Variants in BCL7A observed in about 807,000 individuals in gnomAD.
BCL7A encodes BAF chromatin remodeling complex subunit BCL7A.
In BCL7A, 11 loss-of-function variants were observed where a neutral mutation model predicts 28.4. The ratio of observed to expected loss-of-function variants is 0.39; its 90% CI spans 0.24 to 0.64. BCL7A has a LOEUF of 0.64. Ranked by LOEUF, BCL7A falls within the 30% of genes least tolerant of loss-of-function variation. The probability of loss-of-function intolerance (pLI) is 0.50; values close to 1 mark genes in which losing one functional copy is unlikely to be tolerated. For synonymous variants in BCL7A, 123 were observed against 103.3 expected (o/e 1.19, Z -1.15); for missense variants, 222 against 274.8 (o/e 0.81, Z 1.36).
chr12:122,051,181 C>A (rs1226242589), intron 4 of BCL7A, among the ~76,000 whole-genome samples: 1 of 152,108 alleles, frequency 6.6e-6, no homozygotes, highest in Non-Finnish European at 1.5e-5. Context: ...ATTGGTGGGA[C>A]GCAGGTGGGA....
rs1951882412 is a variant in BCL7A, at chr12:122,056,929, A to G, written c.561+2003A>G. Among the ~76,000 whole-genome samples the G allele has an allele frequency of 1.3e-5, 2 of 152,206 alleles. 1 individual carries two copies. Among genetic ancestry groups the G allele is most frequent in the South Asian group, 4.1e-4 (2 of 4,832 alleles). On this transcript the variant is annotated intron_variant, in intron 5 of 5. Coordinates refer to ENST00000261822, the MANE Select transcript of BCL7A (RefSeq NM_001024808.3). ...GTCACTGTCTCTGCAAGTCCATCGC[A>G]TGTCCTACTCGAGGCCTCTCCTCTG... is the stretch of plus-strand genomic sequence containing the variant.
chr12:122,025,133 T>G (rs1883588607), intron 1 of BCL7A, among the ~76,000 whole-genome samples: 1 of 151,972 alleles, frequency 6.6e-6, no homozygotes, highest in African/African-American at 2.4e-5. Context: ...GGGCCAGGGT[T>G]TGGGGGCCCT....
rs1309688942 is a variant in BCL7A, at chr12:122,060,906, C to A, written c.*1743C>A. The stretch of plus-strand genomic sequence containing the variant: ...CCTGAAATAAGGGAAAAAAAAAAAA[C>A]CACAACTTTGAAAATCTTAATGTTG... On this transcript the variant is annotated 3_prime_UTR_variant, in exon 6 of 6. Coordinates refer to ENST00000261822, the MANE Select transcript of BCL7A (RefSeq NM_001024808.3). 6.8e-5 allele frequency: 15 copies of A among 220,988 alleles called. No individual in the cohort carries two copies. The highest frequency in any genetic ancestry group is 1.2e-4 in the Non-Finnish European group (13 of 111,020). 13.7% of individuals were successfully genotyped at this position (220,988 alleles called of 1,614,324 possible).
chr12:122,057,366 G>A (rs1262825582), intron 5 of BCL7A, among the ~76,000 whole-genome samples: 2 of 152,196 alleles, frequency 1.3e-5, no homozygotes, highest in Non-Finnish European at 2.9e-5. Context: ...TTGTCACTAG[G>A]GCCTTCTTGG....
chr12:122,025,160 G>A (rs1883589821), intron 1 of BCL7A, among the ~76,000 whole-genome samples: 1 of 152,268 alleles, frequency 6.6e-6, no homozygotes, highest in South Asian at 2.1e-4. Flanking sequence ...GTGGAGGAGA[G>A]AAGACCCCAG....
At chr12:122,023,744 C>T (rs947405823) in intron 1 of BCL7A, among the ~76,000 whole-genome samples, 3 of 152,288 alleles carry the variant, frequency 2.0e-5, no homozygotes, top group South Asian at 2.1e-4. Flanking sequence ...ATGGCAGAAA[C>T]AGCTGCAGGC....
At chr12:122,024,450 T>C (rs77295720) in intron 1 of BCL7A, among the ~76,000 whole-genome samples, 10,596 of 133,354 alleles carry the variant, frequency 0.079, 460 homozygotes, top group African/African-American at 0.15. Flanking sequence ...AAACTTGGCT[T>C]TGAGGTTTTT....
intron 4 of BCL7A, among the ~76,000 whole-genome samples, chr12:122,052,670 ATTGTTTTGTTTT>A (rs930207169): frequency 3.0e-4 from 45 of 150,798 alleles, no homozygotes; most frequent in African/African-American, 3.9e-4. Flanking sequence ...TTGTTTTTTT[ATTGTTTTGTTTT>A]TTGTTTTGTT....
intron 3 of BCL7A, among the ~76,000 whole-genome samples, chr12:122,040,389 C>T (rs557987949): frequency 5.3e-5 from 8 of 151,892 alleles, no homozygotes; most frequent in African/African-American, 1.7e-4. Flanking sequence ...AAAAATTAGC[C>T]GGGCATGGTG....
chr12:122,054,835 C>T lies in BCL7A; in HGVS notation c.470C>T (p.Ser157Leu), dbSNP rs867038890. The change falls in exon 5 of 6, where the codon TCG becomes TTG. Residue 157 changes from serine to leucine, a missense_variant. Ser to Leu is a moderately radical substitution (Grantham distance 145, BLOSUM62 -2). Coordinates refer to ENST00000261822, the MANE Select transcript of BCL7A (RefSeq NM_001024808.3). ...DASDEQNSQSSMEHSMNSSEK... is the reference protein window; with the variant it reads ...DASDEQNSQSLMEHSMNSSEK... Reference sequence around the variant, plus strand: ...TCTGATGAGCAGAATTCACAGTCCTCGATGGAACATTCGATGAACAGCTCA... The same window carrying T: ...TCTGATGAGCAGAATTCACAGTCCTTGATGGAACATTCGATGAACAGCTCA... The T allele has an allele frequency of 1.9e-6, 3 of 1,614,164 alleles. No homozygotes were observed. Among genetic ancestry groups the T allele is most frequent in the Non-Finnish European group, 2.5e-6 (3 of 1,180,028 alleles).
At chr12:122,032,540 G>A (rs1289436678) in intron 2 of BCL7A, among the ~76,000 whole-genome samples, 1 of 152,182 alleles carries the variant, frequency 6.6e-6, no homozygotes. Context: ...ATGATCAAGG[G>A]GAAAACGTAA....
chr12:122,056,766 A>G (rs2135862019), intron 5 of BCL7A, among the ~76,000 whole-genome samples: 1 of 152,282 alleles, frequency 6.6e-6, no homozygotes, highest in Non-Finnish European at 1.5e-5. Flanking sequence ...TGATCCTACC[A>G]TTGCCCTCCA....
intron 1 of BCL7A, among the ~76,000 whole-genome samples, chr12:122,022,557 C>G: frequency 6.9e-6 from 1 of 145,092 alleles, no homozygotes; most frequent in Middle Eastern, 3.5e-3. Flanking sequence ...CACATGAAAG[C>G]GGCTTCCCGC....
chr12:122,044,671 T>A (rs1204138487), intron 4 of BCL7A, among the ~76,000 whole-genome samples: 3 of 151,630 alleles, frequency 2.0e-5, no homozygotes, highest in Non-Finnish European at 4.4e-5. Flanking sequence ...AAAAAATGCT[T>A]TAAGATGAGC....
chr12:122,034,739 C>T (rs2135845727), intron 2 of BCL7A, among the ~76,000 whole-genome samples: 1 of 145,356 alleles, frequency 6.9e-6, no homozygotes, highest in East Asian at 2.0e-4. Flanking sequence ...GAGACTCTGT[C>T]TCAAAAAAAA....
At chr12:122,052,982 GC>G (rs1338292805) in intron 4 of BCL7A, among the ~76,000 whole-genome samples, 4 of 147,358 alleles carry the variant, frequency 2.7e-5, no homozygotes, top group African/African-American at 1.0e-4. Context: ...GAGCCACCGT[GC>G]CTAGCCTGTT....
intron 4 of BCL7A, among the ~76,000 whole-genome samples, chr12:122,050,829 C>T (rs1884177563): frequency 6.6e-6 from 1 of 152,228 alleles, no homozygotes; most frequent in Non-Finnish European, 1.5e-5. Flanking sequence ...CAGAAGCTGC[C>T]TCCCTCGCCG....
rs563305506 is a variant in BCL7A at position 122,029,786 on chromosome 12, C to T, written c.93-914C>T. Among the ~76,000 whole-genome samples, 3 of 152,192 alleles carry T rather than the reference C, an allele frequency of 2.0e-5. No individual in the cohort carries two copies. Among genetic ancestry groups the T allele is most frequent in the South Asian group, 2.1e-4 (1 of 4,814 alleles). ...CTCAGGGGTGTGGCTGCTGGGTCTT[C>T]GTGGCGGTAAGGGACAAGTCGGAGT... On this transcript the variant is annotated intron_variant, in intron 1 of 5. Coordinates refer to ENST00000261822, the MANE Select transcript of BCL7A (RefSeq NM_001024808.3). This position sits in a 1 kb window ranked among gnomAD's most constrained non-coding sequence, Gnocchi z 4.3.
At position 122,043,929 on chromosome 12, in the gene BCL7A, CAAA is replaced by C; in HGVS notation, c.316_318del (p.Lys106del). ...GCTCCATCGCAGATGCCTCCCCCAT[CAAA>C]CAGGAGAACAGCAGCAACTCCAGCC... is the stretch of plus-strand genomic sequence containing the variant. On this transcript the variant is annotated inframe_deletion, in exon 4 of 6. Coordinates refer to ENST00000261822, the MANE Select transcript of BCL7A (RefSeq NM_001024808.3). 6.2e-7 allele frequency: 1 copy of C among 1,613,984 alleles called. No individual in the cohort carries two copies. Among genetic ancestry groups the C allele is most frequent in the Non-Finnish European group, 8.5e-7 (1 of 1,180,010 alleles).
Sources: allele counts gnomAD v4.1 joint callset (sites outside exome capture counted in the v4.1 genomes callset), GRCh38; gene constraint gnomAD v4.1.1; non-coding constraint Gnocchi (gnomAD v3.1); transcripts MANE v1.5; gene names NCBI Gene and HGNC (gene_info 2026-07-23, HGNC 2026-07-21).